Variants in NUP210 observed in about 807,000 individuals in gnomAD.
NUP210 encodes nucleoporin 210.
NUP210 carries 151 observed loss-of-function variants against 196.0 expected under a neutral mutation model. The ratio of observed to expected loss-of-function variants is 0.77; its 90% CI spans 0.67 to 0.88. The LOEUF is 0.88. Among genes scored for constraint, NUP210 ranks in the 40% least tolerant of loss-of-function variants. The pLI is 0.00. For missense variants in NUP210, 2,314 were observed against 2,493.7 expected (o/e 0.93, Z 1.53); for synonymous variants, 1,070 against 1,052.7 (o/e 1.02, Z -0.32).
chr3:13,326,330 C>T (rs1174392595), intron 32 of NUP210, among the ~76,000 whole-genome samples: 1 of 125,236 alleles, frequency 8.0e-6, no homozygotes, highest in Non-Finnish European at 1.7e-5. Context: ...CCCTCCCCAT[C>T]CCTTCGTTGC....
intron 11 of NUP210, 102 bp from the exon 12 acceptor site, chr3:13,373,975 C>T (rs1470663050): frequency 1.5e-6 from 2 of 1,325,898 alleles, no homozygotes; most frequent in East Asian, 2.5e-5. Context: ...TACTCACACT[C>T]ATACACATTT....
intron 3 of NUP210, among the ~76,000 whole-genome samples, chr3:13,396,156 T>C (rs1699645292): frequency 6.6e-6 from 1 of 152,218 alleles, no homozygotes; most frequent in Non-Finnish European, 1.5e-5. Flanking sequence ...TTGATTGTCA[T>C]GGCTTGGGAG....
At chr3:13,356,410 C>T (rs1405128130) in intron 16 of NUP210, among the ~76,000 whole-genome samples, 1 of 152,120 alleles carries the variant, frequency 6.6e-6, no homozygotes, top group African/African-American at 2.4e-5. Flanking sequence ...TTTGGGAGGC[C>T]GAGGTGGGCG....
chr3:13,409,813 C>CCA (rs1700107364), intron 1 of NUP210, among the ~76,000 whole-genome samples: 1 of 150,162 alleles, frequency 6.7e-6, no homozygotes, highest in Non-Finnish European at 1.5e-5. Context: ...GAATCAGCCC[C>CCA]CACCTCCAAA....
At position 13,378,584 on chromosome 3, in the gene NUP210, G is replaced by C. The variant is rs537239546; in HGVS notation, c.1045+328C>G. 7.2e-5 allele frequency among the ~76,000 whole-genome samples: 11 copies of C among 152,286 alleles called. No homozygotes were observed. The South Asian group carries it at 2.3e-3, about 32-fold the overall frequency. Reference sequence around the variant, plus strand: ...CCCTCTATAATTGAGCTGACACTGGGCCCCAACCTCTAAATGTCCATAGCA... The same window carrying C: ...CCCTCTATAATTGAGCTGACACTGGCCCCCAACCTCTAAATGTCCATAGCA... On this transcript the variant is annotated intron_variant, in intron 8 of 39. Coordinates refer to ENST00000254508, the MANE Select transcript of NUP210 (RefSeq NM_024923.4).
intron 15 of NUP210, among the ~76,000 whole-genome samples, chr3:13,358,960 G>A (rs143049808): frequency 1.3e-5 from 2 of 152,338 alleles, no homozygotes; most frequent in African/African-American, 4.8e-5. Flanking sequence ...AGAAAAGAGG[G>A]AAACCTGTCT....
At chr3:13,331,323 G>A (rs1696986690) in intron 29 of NUP210, among the ~76,000 whole-genome samples, 1 of 152,150 alleles carries the variant, frequency 6.6e-6, no homozygotes. Flanking sequence ...AGGAAGCAAA[G>A]GCCTCCAGCT....
chr3:13,330,025 G>A (rs186345665), intron 30 of NUP210, among the ~76,000 whole-genome samples: 3 of 152,362 alleles, frequency 2.0e-5, no homozygotes, highest in Non-Finnish European at 4.4e-5. Flanking sequence ...TTGTATGGCA[G>A]GTACTGAGCA....
At chr3:13,372,228 G>A (rs1698756691) in intron 12 of NUP210, among the ~76,000 whole-genome samples, 196 bp from the exon 13 acceptor site, 1 of 152,242 alleles carries the variant, frequency 6.6e-6, no homozygotes, top group Admixed American at 6.5e-5. Flanking sequence ...GCTCAGATCT[G>A]AGAGCCACAG....
At chr3:13,411,659 G>A (rs113676757) in intron 1 of NUP210, among the ~76,000 whole-genome samples, 225 of 152,218 alleles carry the variant, frequency 1.5e-3, no homozygotes, top group African/African-American at 4.6e-3. Flanking sequence ...ACCTGCCGAC[G>A]GCCCCTCCCC....
At position 13,323,258 on chromosome 3, in the gene NUP210, C is replaced by T. The variant is rs1290398673; in HGVS notation, c.4768+51G>A. ...TCCATCCAGAGGACACAGGAAGCCA[C>T]CTCCCCGCTCCCAGGTACTCTGAAG... On this transcript the variant is annotated intron_variant, in intron 34 of 39. Transcript: ENST00000254508. This position sits in a 1 kb window ranked among gnomAD's most constrained non-coding sequence, Gnocchi z 4.3. The T allele has an allele frequency of 2.5e-6, 4 of 1,609,136 alleles. No individual in the cohort carries two copies. The highest frequency in any genetic ancestry group is 3.4e-6 in the Non-Finnish European group (4 of 1,177,162).
Position 13,336,664 on chromosome 3 carries a change from GC to G in NUP210, c.3684+122del. 3 of 1,049,756 alleles carry G rather than the reference GC, an allele frequency of 2.9e-6. No homozygotes were observed. In the South Asian group the frequency reaches 4.7e-5, roughly 16 times the overall value. The allele number at this position is 1,049,756 out of a possible 1,614,324, so 65.0% of individuals were successfully genotyped here. Reference sequence around the variant, plus strand: ...TCGGGAGAGGGAAGAAAGTGGGCGGGCCTCTCTAGGTGTGAGGGTGGGGACT... The same window carrying G: ...TCGGGAGAGGGAAGAAAGTGGGCGGGCTCTCTAGGTGTGAGGGTGGGGACT... On this transcript the variant is annotated intron_variant, in intron 27 of 39. Transcript: ENST00000254508.
Position 13,335,629 on chromosome 3 carries a change from C to T in NUP210, c.3685-17G>A. Reference sequence around the variant, plus strand: ...GATCGACGCCTGGGAAGACATCAAACACGTTTTCAGGGGTAAGGCCCAGGC... The same window carrying T: ...GATCGACGCCTGGGAAGACATCAAATACGTTTTCAGGGGTAAGGCCCAGGC... On this transcript the variant is annotated splice_polypyrimidine_tract_variant and intron_variant, in intron 27 of 39. Transcript: ENST00000254508. 1 of 1,612,802 alleles carries T rather than the reference C, an allele frequency of 6.2e-7. No homozygotes were observed. Among genetic ancestry groups the T allele is most frequent in the Non-Finnish European group, 8.5e-7 (1 of 1,179,208 alleles).
intron 20 of NUP210, among the ~76,000 whole-genome samples, chr3:13,344,626 C>T (rs1482447267): frequency 6.6e-6 from 1 of 152,246 alleles, no homozygotes; most frequent in African/African-American, 2.4e-5. Flanking sequence ...ACATCAACCC[C>T]TCAACAGCTG....
chr3:13,333,393 C>G (rs1407966824), intron 28 of NUP210, among the ~76,000 whole-genome samples: 1 of 152,244 alleles, frequency 6.6e-6, no homozygotes, highest in Non-Finnish European at 1.5e-5. Flanking sequence ...GGCCTCTGAT[C>G]AGACCAGGTG....
intron 30 of NUP210, among the ~76,000 whole-genome samples, chr3:13,329,608 G>A (rs1198723889): frequency 3.9e-5 from 6 of 152,168 alleles, no homozygotes; most frequent in Non-Finnish European, 8.8e-5. Context: ...CTAGAGCGGG[G>A]GATTTGCTGC....
chr3:13,363,478 CTGTT>C (rs1255531376), intron 14 of NUP210, among the ~76,000 whole-genome samples: 1 of 152,268 alleles, frequency 6.6e-6, no homozygotes, highest in Non-Finnish European at 1.5e-5. Flanking sequence ...TATCACCTTC[CTGTT>C]TAATTCTCTC....
chr3:13,320,846 T>C (rs1479094327), intron 36 of NUP210, among the ~76,000 whole-genome samples: 2 of 136,958 alleles, frequency 1.5e-5, no homozygotes, highest in Non-Finnish European at 3.1e-5. Context: ...GAGCCCAGAT[T>C]GCGCCACTGC....
Position 13,347,086 on chromosome 3 carries a change from T to C in NUP210, c.2836-3783A>G. The C allele has an allele frequency of 1.0e-6, 1 of 985,424 alleles. No individual in the cohort carries two copies. The highest frequency in any genetic ancestry group is 1.2e-6 in the Non-Finnish European group (1 of 829,916). 61.0% of individuals were successfully genotyped at this position (985,424 alleles called of 1,614,324 possible). ...CCCCACTCATCCTGGACACATGTCC[T>C]CACCTGAACAATGGCCCCATGACGG... is the stretch of plus-strand genomic sequence containing the variant. On this transcript the variant is annotated intron_variant, in intron 20 of 39. Transcript: ENST00000254508. The surrounding 1 kb of genome is among the most constrained non-coding windows in gnomAD (Gnocchi z 4.7).
Sources: gnomAD v4.1 joint callset for allele counts (sites outside exome capture counted in the v4.1 genomes callset) on GRCh38, gnomAD v4.1.1 for gene constraint, Gnocchi (gnomAD v3.1) non-coding constraint, MANE v1.5 for transcripts, NCBI Gene and HGNC (gene_info 2026-07-23, HGNC 2026-07-21) for gene names.